Variants in TRAF4 observed in about 807,000 individuals in gnomAD.
TRAF4 encodes TNF receptor associated factor 4.
In TRAF4, 9 loss-of-function variants were observed where a neutral mutation model predicts 47.3. That is an observed-to-expected ratio of 0.19 (90% CI 0.11 to 0.33). The LOEUF is 0.33. Among genes scored for constraint, TRAF4 ranks in the 10% least tolerant of loss-of-function variants. The probability of loss-of-function intolerance (pLI) is 1.00; values close to 1 mark genes in which losing one functional copy is unlikely to be tolerated. For synonymous variants in TRAF4, 236 were observed against 236.9 expected (o/e 1.00, Z 0.04); for missense variants, 448 against 620.3 (o/e 0.72, Z 2.95).
Position 28,748,983 on chromosome 17 carries a change from T to G in TRAF4, c.819T>G (p.Ser273Arg). The change falls in exon 7 of 7, where the codon AGT becomes AGG. Residue 273 changes from serine to arginine, a missense_variant. Coordinates refer to ENST00000262395, the MANE Select transcript of TRAF4 (RefSeq NM_004295.4). ...KLAMARHVEESVKPHLAMMCA... is the reference protein window; with the variant it reads ...KLAMARHVEERVKPHLAMMCA... ...CAATGGCACGGCATGTGGAGGAGAG[T>G]GTGAAGCCACATCTGGCCATGATGT... 6.2e-7 allele frequency: 1 copy of G among 1,612,704 alleles called. No individual in the cohort carries two copies.
At chr17:28,748,489 C>T (rs1271826145) in intron 5 of TRAF4, 22 bp from the exon 6 acceptor site, 1 of 1,610,674 alleles carries the variant, frequency 6.2e-7, no homozygotes, top group Non-Finnish European at 8.5e-7. Flanking sequence ...TGACTCCTGC[C>T]TCTCTACTTC....
At chr17:28,744,752 T>TTC (rs2034482442) in intron 1 of TRAF4, 1 of 161,650 alleles carries the variant, frequency 6.2e-6, no homozygotes, top group African/African-American at 2.4e-5. Flanking sequence ...GGTCACATAG[T>TTC]TACTTAAAGG....
chr17:28,748,379 C>CCCTGCA lies in TRAF4; in HGVS notation c.584_589dup (p.Cys195_Thr196dup). 1 of 1,613,102 alleles carries CCCTGCA rather than the reference C, an allele frequency of 6.2e-7. No individual in the cohort carries two copies. The highest frequency in any genetic ancestry group is 8.5e-7 in the Non-Finnish European group (1 of 1,179,432). On this transcript the variant is annotated inframe_insertion, in exon 5 of 7. Transcript: ENST00000262395. ...CTCTGAGTGCCCCAAGCGCACTCAG[C>CCCTGCA]CCTGCACCTACTGCACTAAGGAGTT... is the stretch of plus-strand genomic sequence containing the variant.
intron 2 of TRAF4, 59 bp from the exon 3 acceptor site, chr17:28,747,784 G>A (rs1396431723): frequency 6.5e-7 from 1 of 1,538,216 alleles, no homozygotes; most frequent in Admixed American, 1.9e-5. Context: ...GTCTAGGGGT[G>A]GGAACTGGGC....
chr17:28,749,976 C>A lies in TRAF4; in HGVS notation c.*399C>A. 1.5e-6 allele frequency: 1 copy of A among 663,564 alleles called. No homozygotes were observed. The highest frequency in any genetic ancestry group is 1.6e-5 in the South Asian group (1 of 63,396). The allele number at this position is 663,564 out of a possible 1,614,324, so 41.1% of individuals were successfully genotyped here. On this transcript the variant is annotated 3_prime_UTR_variant, in exon 7 of 7. Transcript: ENST00000262395. ...GTCTGTCTTGAGATCTGATTTTTTC[C>A]CCCTTTACCTAGCTGTGCCCCCTCT...
intron 1 of TRAF4, among the ~76,000 whole-genome samples, chr17:28,746,207 A>AC (rs2034510397): frequency 2.0e-5 from 3 of 152,006 alleles, no homozygotes; most frequent in Admixed American, 2.0e-4. Flanking sequence ...CCTTCCACCT[A>AC]CCTGACTCAG....
chr17:28,745,411 C>A (rs928788142), intron 1 of TRAF4: 1 of 152,702 alleles, frequency 6.5e-6, no homozygotes, highest in Non-Finnish European at 1.5e-5. Context: ...GTCTCCGCCA[C>A]TGCTCTTCCC....
intron 2 of TRAF4, chr17:28,747,545 C>T (rs1225725674): frequency 1.7e-6 from 1 of 580,852 alleles, no homozygotes; most frequent in Non-Finnish European, 3.0e-6. Flanking sequence ...AGACCTGTGG[C>T]TGAGGGCCAG....
chr17:28,746,084 G>A (rs2034508449), intron 1 of TRAF4, among the ~76,000 whole-genome samples: 2 of 152,260 alleles, frequency 1.3e-5, no homozygotes, highest in African/African-American at 4.8e-5. Context: ...AAGGGGAGGA[G>A]GTGGGTGCTA....
At chr17:28,744,749 T>C (rs957804556) in intron 1 of TRAF4, 6 of 162,034 alleles carry the variant, frequency 3.7e-5, no homozygotes, top group South Asian at 1.4e-4. Flanking sequence ...CAGGGTCACA[T>C]AGTTACTTAA....
In TRAF4 at chr17:28,748,196, G is replaced by C. The variant is rs761215781; in HGVS notation, c.462+18G>C. 1 of 1,613,610 alleles carries C rather than the reference G, an allele frequency of 6.2e-7. No homozygotes were observed. The highest frequency in any genetic ancestry group is 8.5e-7 in the Non-Finnish European group (1 of 1,179,624). On this transcript the variant is annotated intron_variant, in intron 4 of 6. Transcript: ENST00000262395. Reference sequence around the variant, plus strand: ...CCTATGAGGTGGGTGGGGTCTGGCTGAATGTGGAGGAGGGGGTACCTGATG... The same window carrying C: ...CCTATGAGGTGGGTGGGGTCTGGCTCAATGTGGAGGAGGGGGTACCTGATG...
chr17:28,749,513 A>G lies in TRAF4; in HGVS notation c.1349A>G (p.Tyr450Cys). The change falls in exon 7 of 7, where the codon TAT (tyrosine) becomes TGT (cysteine). Residue 450 changes from tyrosine (Y) to cysteine (C), a missense_variant. Tyr to Cys is a radical substitution (Grantham distance 194). Transcript: ENST00000262395. ...CACCAGGACATTCGAAAGCGAAACT[A>G]TGTGCGGGATGATGCAGTCTTCATC... ...ISHQDIRKRN[Y>C]VRDDAVFIRA... is the part of the protein sequence containing the mutation. 1 of 1,613,786 alleles carries G rather than the reference A, an allele frequency of 6.2e-7. No homozygotes were observed.
In TRAF4 at chr17:28,744,051, G is replaced by T; in HGVS notation, c.-62G>T. The T allele has an allele frequency of 1.7e-6, 2 of 1,154,752 alleles. No individual in the cohort carries two copies. The highest frequency in any genetic ancestry group is 2.1e-6 in the Non-Finnish European group (2 of 936,954). 71.5% of individuals were successfully genotyped at this position (1,154,752 alleles called of 1,614,324 possible). On this transcript the variant is annotated 5_prime_UTR_variant, in exon 1 of 7. Transcript: ENST00000262395. ...GAGCCGGGAGCGCCGCTCCAGCGAG[G>T]CGCGGGCTGTGGGGCCGCCGCGTGC...
chr17:28,749,650 G>T lies in TRAF4; in HGVS notation c.*73G>T. 6.3e-7 allele frequency: 1 copy of T among 1,577,650 alleles called. No homozygotes were observed. Among genetic ancestry groups the T allele is most frequent in the South Asian group, 1.2e-5 (1 of 85,788 alleles). On this transcript the variant is annotated 3_prime_UTR_variant, in exon 7 of 7. Coordinates refer to ENST00000262395, the MANE Select transcript of TRAF4 (RefSeq NM_004295.4). ...CAGGCACTGGCTGAACTTGGAGAGG[G>T]GGCCGGACCCCCGTCAGCTGCTTCT...
chr17:28,747,462 G>A (rs1444621649), intron 2 of TRAF4, 198 bp downstream of exon 2: 4 of 655,520 alleles, frequency 6.1e-6, no homozygotes, highest in Admixed American at 6.2e-5. Flanking sequence ...CATGCACAAT[G>A]CCCAGCCTGT....
intron 1 of TRAF4, among the ~76,000 whole-genome samples, chr17:28,746,047 T>C (rs2034507973): frequency 6.6e-6 from 1 of 152,244 alleles, no homozygotes; most frequent in African/African-American, 2.4e-5. Context: ...TCCTTGGCAT[T>C]GAAGCATGGC....
intron 1 of TRAF4, 147 bp from the exon 2 acceptor site, chr17:28,747,066 C>T: frequency 1.3e-6 from 1 of 759,426 alleles, no homozygotes; most frequent in South Asian, 2.0e-5. Flanking sequence ...AGTAGAGCCC[C>T]TCAGGCCTCT....
In TRAF4 at chr17:28,748,132, T is replaced by G; in HGVS notation, c.416T>G (p.Leu139Arg). 1 of 1,613,894 alleles carries G rather than the reference T, an allele frequency of 6.2e-7. No homozygotes were observed. The highest frequency in any genetic ancestry group is 8.5e-7 in the Non-Finnish European group (1 of 1,180,000). Reference sequence around the variant, plus strand: ...CAGCATGACTGCCCCAAGCGGCGCCTCAAGTGCGAGTTTTGTGGCTGTGAC... The same window carrying G: ...CAGCATGACTGCCCCAAGCGGCGCCGCAAGTGCGAGTTTTGTGGCTGTGAC... Reference protein sequence around the residue: ...HLQHDCPKRRLKCEFCGCDFS... With the variant: ...HLQHDCPKRRRKCEFCGCDFS... Residue 139 changes from leucine to arginine, a missense_variant, in exon 4 of 7, where the codon CTC becomes CGC. By Grantham distance (102) the Leu-to-Arg change is moderately radical (BLOSUM62 -2). Coordinates refer to ENST00000262395, the MANE Select transcript of TRAF4 (RefSeq NM_004295.4).
rs776155442 is a variant in TRAF4 at position 28,748,715 on chromosome 17, G to C, written c.780+49G>C. 9 of 1,593,258 alleles carry C rather than the reference G, an allele frequency of 5.6e-6. No homozygotes were observed. In the South Asian group the frequency reaches 1.0e-4, roughly 18 times the overall value. On this transcript the variant is annotated intron_variant, in intron 6 of 6. Coordinates refer to ENST00000262395, the MANE Select transcript of TRAF4 (RefSeq NM_004295.4). ...GCCCCCTTTTGCCCTTGAAGCCCTAGACAGAGGCTCAGCTTCTGATGTACT... is the reference window on the plus strand; with the variant it reads ...GCCCCCTTTTGCCCTTGAAGCCCTACACAGAGGCTCAGCTTCTGATGTACT...
Sources: allele counts gnomAD v4.1 joint callset (sites outside exome capture counted in the v4.1 genomes callset), GRCh38; gene constraint gnomAD v4.1.1; transcripts MANE v1.5; gene names NCBI Gene and HGNC (gene_info 2026-07-23, HGNC 2026-07-21).